Variants in ZNF408 observed in about 807,000 individuals in gnomAD.
ZNF408 encodes the protein zinc finger protein 408.
A neutral mutation model predicts 27.6 loss-of-function variants in ZNF408; 24 were observed. The ratio of observed to expected loss-of-function variants is 0.87; its 90% CI spans 0.63 to 1.22. The LOEUF is 1.22. ZNF408 is among the 50% of genes most tolerant of loss of function. The probability of loss-of-function intolerance (pLI) is 0.00; values close to 1 mark genes in which losing one functional copy is unlikely to be tolerated. For synonymous variants in ZNF408, 410 were observed against 396.1 expected (o/e 1.04, Z -0.42); for missense variants, 897 against 949.0 (o/e 0.95, Z 0.72).
At chr11:46,701,310 C>G in intron 1 of ZNF408, 89 bp from the exon 2 acceptor site, 1 of 1,567,000 alleles carries the variant, frequency 6.4e-7, no homozygotes, top group Non-Finnish European at 8.7e-7. Context: ...GCTCCGCAGG[C>G]CCACCTGGAC....
intron 4 of ZNF408, 22 bp downstream of exon 4, chr11:46,703,265 G>A (rs768619422): frequency 1.3e-6 from 2 of 1,592,988 alleles, no homozygotes; most frequent in Non-Finnish European, 1.7e-6. Context: ...ATAAATGCTG[G>A]TTTCCCAGCA....
rs140853348 is a variant in ZNF408 at position 46,705,183 on chromosome 11, C to T, written c.1483C>T (p.Pro495Ser). The part of the protein sequence containing the change: ...NHMRLHTGEK[P>S]FLCPHCGRAF... ...TATGAGGCTCCATACAGGAGAAAAG[C>T]CTTTCCTGTGCCCGCACTGTGGCCG... The change falls in exon 5 of 5, where the codon CCT (proline) becomes TCT (serine). Residue 495 changes from proline (P) to serine (S), a missense_variant. Physicochemically the swap from Pro to Ser is moderately conservative, Grantham distance 74 (BLOSUM62 -1). Transcript: ENST00000311764. The surrounding 1 kb of genome is among the most constrained non-coding windows in gnomAD (Gnocchi z 6.5). 1.9e-6 allele frequency: 3 copies of T among 1,611,674 alleles called. No individual in the cohort carries two copies. Among genetic ancestry groups the T allele is most frequent in the Non-Finnish European group, 2.5e-6 (3 of 1,179,962 alleles).
rs1230593485 is a variant in ZNF408, at chr11:46,701,608, TGGGGGCCGCTG to T, written c.264_274del (p.Trp88Ter). On this transcript the variant is annotated frameshift_variant, in exon 2 of 5. Coordinates refer to ENST00000311764, the MANE Select transcript of ZNF408 (RefSeq NM_024741.3). LOFTEE classifies it high-confidence loss of function. Reference sequence around the variant, plus strand: ...GGACCCCCTGCAGCCCGGCCTGCTGTGGGGGCCGCTGGAAGAGGAGTCTGCCTCCAAGGAGA... The same window carrying T: ...GGACCCCCTGCAGCCCGGCCTGCTGTGAAGAGGAGTCTGCCTCCAAGGAGA... 1 of 1,608,832 alleles carries T rather than the reference TGGGGGCCGCTG, an allele frequency of 6.2e-7. No homozygotes were observed. The highest frequency in any genetic ancestry group is 1.7e-5 in the Admixed American group (1 of 59,802).
In ZNF408 at chr11:46,705,475, C is replaced by T; in HGVS notation, c.1775C>T (p.Thr592Ile). ...PQCGRAYTLA[T>I]KLRRHLKSHL... ...TGTGGCCGTGCTTACACGCTGGCCACCAAGCTGCGGCGCCACCTCAAATCT... is the reference window on the plus strand; with the variant it reads ...TGTGGCCGTGCTTACACGCTGGCCATCAAGCTGCGGCGCCACCTCAAATCT... Residue 592 changes from threonine (T) to isoleucine (I), a missense_variant, in exon 5 of 5, where the codon ACC becomes ATC. Transcript: ENST00000311764. This position sits in a 1 kb window ranked among gnomAD's most constrained non-coding sequence, Gnocchi z 6.5. The T allele has an allele frequency of 6.2e-7, 1 of 1,606,984 alleles. No homozygotes were observed. Among genetic ancestry groups the T allele is most frequent in the Non-Finnish European group, 8.5e-7 (1 of 1,179,958 alleles).
chr11:46,702,873 T>G, intron 3 of ZNF408, 108 bp downstream of exon 3: 1 of 1,595,678 alleles, frequency 6.3e-7, no homozygotes, highest in Non-Finnish European at 8.6e-7. Flanking sequence ...GCAGTGAATG[T>G]TCCAAAGGCA....
At chr11:46,704,246 C>T in intron 4 of ZNF408, 107 bp from the exon 5 acceptor site, 3 of 1,232,256 alleles carry the variant, frequency 2.4e-6, no homozygotes, top group African/African-American at 1.5e-5. Flanking sequence ...ATTGCTCCCT[C>T]TAAGGCTCAG....
In ZNF408 at chr11:46,704,832, C is replaced by T. The variant is rs1010213682; in HGVS notation, c.1132C>T (p.His378Tyr). Residue 378 changes from histidine (H) to tyrosine (Y), a missense_variant, in exon 5 of 5, where the codon CAC becomes TAC. His to Tyr is a moderately conservative substitution (Grantham distance 83). Coordinates refer to ENST00000311764, the MANE Select transcript of ZNF408 (RefSeq NM_024741.3). ...GAAGCACGCATTTGTGCACACGGGC[C>T]ACAAGCCCTTTCTTTGCACTGAGTG... ...LKKHAFVHTG[H>Y]KPFLCTECGK... 24 of 1,600,924 alleles carry T rather than the reference C, an allele frequency of 1.5e-5. No homozygotes were observed. The highest frequency in any genetic ancestry group is 2.7e-5 in the African/African-American group (2 of 74,538).
rs2064718870 is a variant in ZNF408, at chr11:46,702,716, G to C, written c.343G>C (p.Gly115Arg). The C allele has an allele frequency of 5.0e-6, 8 of 1,614,096 alleles. No homozygotes were observed. Among genetic ancestry groups the C allele is most frequent in the East Asian group, 2.2e-5 (1 of 44,886 alleles). Reference protein sequence around the residue: ...KPRQEENLSLGPWGDVCACEQ... With the variant: ...KPRQEENLSLRPWGDVCACEQ... ...TGGTTTATTTCAGAACCTGTCATTA[G>C]GCCCATGGGGAGACGTGTGTGCCTG... Residue 115 changes from glycine to arginine, a missense_variant, in exon 3 of 5, where the codon GGC (glycine) becomes CGC (arginine). Gly to Arg is a moderately radical substitution (Grantham distance 125, BLOSUM62 -2). Transcript: ENST00000311764.
At chr11:46,703,761 G>GTTTTTT (rs1489418102) in intron 4 of ZNF408, among the ~76,000 whole-genome samples, 14 of 80,176 alleles carry the variant, frequency 1.7e-4, no homozygotes, top group East Asian at 3.5e-4. Flanking sequence ...TGTTGTTGTT[G>GTTTTTT]TTGTTGTTGT....
Position 46,705,575 on chromosome 11 carries a change from T to G in ZNF408, c.1875T>G (p.His625Gln). ...GYTLPQSLRR[H>Q]QLSHRPEAPC... Reference sequence around the variant, plus strand: ...CCCTCCCGCAGAGCCTCAGGCGGCATCAGCTCAGTCACCGGCCTGAGGCAC... The same window carrying G: ...CCCTCCCGCAGAGCCTCAGGCGGCAGCAGCTCAGTCACCGGCCTGAGGCAC... The change falls in exon 5 of 5, where the codon CAT becomes CAG. Residue 625 changes from histidine (H) to glutamine (Q), a missense_variant. Coordinates refer to ENST00000311764, the MANE Select transcript of ZNF408 (RefSeq NM_024741.3). The surrounding 1 kb of genome is among the most constrained non-coding windows in gnomAD (Gnocchi z 6.5). The G allele has an allele frequency of 6.2e-7, 1 of 1,607,452 alleles. No homozygotes were observed. The highest frequency in any genetic ancestry group is 8.5e-7 in the Non-Finnish European group (1 of 1,179,964).
chr11:46,702,977 T>C lies in ZNF408; in HGVS notation c.393-7T>C. 1 of 1,613,734 alleles carries C rather than the reference T, an allele frequency of 6.2e-7. No homozygotes were observed. Among genetic ancestry groups the C allele is most frequent in the Non-Finnish European group, 8.5e-7 (1 of 1,179,650 alleles). On this transcript the variant is annotated splice_region_variant and splice_polypyrimidine_tract_variant and intron_variant, in intron 3 of 4. Coordinates refer to ENST00000311764, the MANE Select transcript of ZNF408 (RefSeq NM_024741.3). ...ATCTCCTAGCTGGCTGTTACTTTGC[T>C]TTGCAGCTTGGTACAACGGGGCAGG...
In ZNF408 at chr11:46,704,749, G is replaced by A. The variant is rs1256459540; in HGVS notation, c.1049G>A (p.Gly350Glu). The A allele has an allele frequency of 1.3e-6, 2 of 1,596,418 alleles. No homozygotes were observed. The highest frequency in any genetic ancestry group is 1.7e-6 in the Non-Finnish European group (2 of 1,172,064). Residue 350 changes from glycine (G) to glutamate (E), a missense_variant, in exon 5 of 5, where the codon GGG (glycine) becomes GAG (glutamate). Gly to Glu is a moderately conservative substitution (Grantham distance 98). Transcript: ENST00000311764. The stretch of plus-strand genomic sequence containing the variant: ...CCAGCAGGAAGCTCCCCAAAGCAGG[G>A]GCGACGGTACCGGTGTGGAGAGTGT... ...PGPAGSSPKQ[G>E]RRYRCGECGK...
rs190398841 is a variant in ZNF408, at chr11:46,704,337, C to A, written c.653-16C>A. 4.5e-4 allele frequency: 705 copies of A among 1,570,328 alleles called. No individual in the cohort carries two copies. The highest frequency in any genetic ancestry group is 5.6e-4 in the Non-Finnish European group (653 of 1,157,796). On this transcript the variant is annotated splice_polypyrimidine_tract_variant and intron_variant, in intron 4 of 4. Transcript: ENST00000311764. ...TTGAAGCTCCCTAAACCCAGTACCCCATCCTTGCCTTGCAGATCCTGGTTC... is the reference window on the plus strand; with the variant it reads ...TTGAAGCTCCCTAAACCCAGTACCCAATCCTTGCCTTGCAGATCCTGGTTC...
rs777650151 is a variant in ZNF408 at position 46,701,483 on chromosome 11, A to C, written c.137A>C (p.Glu46Ala). The stretch of plus-strand genomic sequence containing the variant: ...CAGGGCCTCAAAGACGTCCCACCCG[A>C]GCCGACCCGAGACATCCTCGCTTTA... ...CTQGLKDVPPEPTRDILALKS... is the reference protein window; with the variant it reads ...CTQGLKDVPPAPTRDILALKS... The change falls in exon 2 of 5, where the codon GAG (glutamate) becomes GCG (alanine). Residue 46 changes from glutamate (E) to alanine (A), a missense_variant. Coordinates refer to ENST00000311764, the MANE Select transcript of ZNF408 (RefSeq NM_024741.3). 6.2e-7 allele frequency: 1 copy of C among 1,613,946 alleles called. No individual in the cohort carries two copies. The highest frequency in any genetic ancestry group is 1.7e-5 in the Admixed American group (1 of 60,024).
At chr11:46,702,615 G>T (rs2064717859) in intron 2 of ZNF408, 89 bp from the exon 3 acceptor site, 1 of 1,336,680 alleles carries the variant, frequency 7.5e-7, no homozygotes, top group Admixed American at 1.9e-5. Context: ...TCTTAAATTT[G>T]TCCCAGGAAA....
Position 46,704,655 on chromosome 11 carries a change from A to G in ZNF408, c.955A>G (p.Arg319Gly), listed in dbSNP as rs752142818. Residue 319 changes from arginine (R) to glycine (G), a missense_variant, in exon 5 of 5, where the codon AGA (arginine) becomes GGA (glycine). Physicochemically the swap from Arg to Gly is moderately radical, Grantham distance 125. Transcript: ENST00000311764. ...CAGCCCCAGTGATCAGTGCCCACCC[A>G]GAGCAAAGACCCCAGAGCCTGGAGC... is the stretch of plus-strand genomic sequence containing the variant. ...LHSPSDQCPP[R>G]AKTPEPGAQQ... The G allele has an allele frequency of 2.5e-6, 4 of 1,613,658 alleles. No individual in the cohort carries two copies. The East Asian group carries it at 6.7e-5, about 27-fold the overall frequency.
Position 46,705,856 on chromosome 11 carries a change from G to A in ZNF408, c.2156G>A (p.Gly719Asp). The A allele has an allele frequency of 6.2e-7, 1 of 1,610,254 alleles. No homozygotes were observed. The highest frequency in any genetic ancestry group is 1.7e-5 in the Admixed American group (1 of 59,648). ...AWAEVVEVEM[G>D]T ...GCAGAGGTGGTGGAGGTGGAGATGG[G>A]CACCTGACAGCTTTGCCTTTTGCTG... is the stretch of plus-strand genomic sequence containing the variant. The change falls in exon 5 of 5, where the codon GGC becomes GAC. Residue 719 changes from glycine to aspartate, a missense_variant. Transcript: ENST00000311764. The surrounding 1 kb of genome is among the most constrained non-coding windows in gnomAD (Gnocchi z 6.5).
At chr11:46,701,359 T>C in intron 1 of ZNF408, 40 bp from the exon 2 acceptor site, 5 of 1,602,654 alleles carry the variant, frequency 3.1e-6, no homozygotes, top group Non-Finnish European at 4.3e-6. Context: ...CCTCCCACCT[T>C]CTTGGGTGGC....
At chr11:46,701,292 T>C in intron 1 of ZNF408, 107 bp from the exon 2 acceptor site, 1 of 1,557,900 alleles carries the variant, frequency 6.4e-7, no homozygotes, top group South Asian at 1.1e-5. Flanking sequence ...CCCTCACCTG[T>C]CCCTCGGGCT....
Sources: gnomAD v4.1 joint callset for allele counts (sites outside exome capture counted in the v4.1 genomes callset) on GRCh38, gnomAD v4.1.1 for gene constraint, Gnocchi (gnomAD v3.1) non-coding constraint, MANE v1.5 for transcripts, NCBI Gene and HGNC (gene_info 2026-07-23, HGNC 2026-07-21) for gene names.